Variants in CCDC69 observed in about 807,000 individuals in gnomAD.
CCDC69 encodes the protein coiled-coil domain-containing protein 69.
CCDC69 carries 38 observed loss-of-function variants against 40.3 expected under a neutral mutation model. That is an observed-to-expected ratio of 0.94 (90% CI 0.73 to 1.24). The LOEUF (loss-of-function observed/expected upper bound fraction) is 1.24, where lower values mean the gene tolerates loss of function less well. CCDC69 is among the 50% of genes most tolerant of loss of function. CCDC69 has a pLI of 0.00. For missense variants in CCDC69, 389 were observed against 357.9 expected, an observed-to-expected ratio of 1.09 and a Z score of -0.70; for synonymous variants, 141 against 138.9, an observed-to-expected ratio of 1.02 and a Z score of -0.11.
At chr5:151,200,419 A>G (rs1347703367) in intron 3 of CCDC69, among the ~76,000 whole-genome samples, 1 of 152,206 alleles carries the variant, frequency 6.6e-6, no homozygotes, top group African/African-American at 2.4e-5. Flanking sequence ...GATTATAGGC[A>G]TGCCTGGCCC....
chr5:151,220,381 T>G (rs1753116379), intron 1 of CCDC69, among the ~76,000 whole-genome samples: 1 of 152,206 alleles, frequency 6.6e-6, no homozygotes, highest in Admixed American at 6.5e-5. Context: ...AAGCCACTCT[T>G]AAGGTCACTT....
intron 4 of CCDC69, chr5:151,198,770 C>A: frequency 2.3e-6 from 1 of 436,280 alleles, no homozygotes; most frequent in Non-Finnish European, 4.1e-6. Context: ...GAAAAAAATA[C>A]CTCTCAAATA....
At chr5:151,219,634 A>G (rs1753107592) in intron 1 of CCDC69, among the ~76,000 whole-genome samples, 1 of 152,222 alleles carries the variant, frequency 6.6e-6, no homozygotes, top group Non-Finnish European at 1.5e-5. Context: ...AGCTTTATAC[A>G]GATAGTCATA....
chr5:151,183,669 C>A, intron 8 of CCDC69, 55 bp from the exon 9 acceptor site: 2 of 1,491,332 alleles, frequency 1.3e-6, no homozygotes, highest in Non-Finnish European at 1.8e-6. Flanking sequence ...GCCACAGAGA[C>A]CAACCCATTC....
At chr5:151,223,094 C>A (rs1698160415) in intron 1 of CCDC69, among the ~76,000 whole-genome samples, 1 of 152,184 alleles carries the variant, frequency 6.6e-6, no homozygotes, top group South Asian at 2.1e-4. Flanking sequence ...GGTCCTTCTT[C>A]CCCTCTGCCT....
chr5:151,191,901 T>G (rs1457566768), intron 4 of CCDC69, among the ~76,000 whole-genome samples: 1 of 151,452 alleles, frequency 6.6e-6, no homozygotes, highest in Non-Finnish European at 1.5e-5. Flanking sequence ...CTGGGTAACA[T>G]AGAGAGACCT....
chr5:151,199,789 G>A (rs248452), intron 3 of CCDC69, among the ~76,000 whole-genome samples: 55,194 of 151,964 alleles, frequency 0.36, 10,467 homozygotes, highest in Non-Finnish European at 0.4. Flanking sequence ...CACAGGTAAT[G>A]GTCAGGGCCA....
Position 151,187,433 on chromosome 5 carries a change from T to C in CCDC69, c.346A>G (p.Lys116Glu), listed in dbSNP as rs1314866142. 3 of 1,614,014 alleles carry C rather than the reference T, an allele frequency of 1.9e-6. No individual in the cohort carries two copies. In the South Asian group the frequency reaches 3.3e-5, roughly 18 times the overall value. Residue 116 changes from lysine (K) to glutamate (E), a missense_variant, in exon 5 of 9, where the codon AAA (lysine) becomes GAA (glutamate). By Grantham distance (56) the Lys-to-Glu change is moderately conservative. Transcript: ENST00000355417. ...CGGAAAGAGTGGGTAAGCGCTTCTT[T>C]CTCCTGTTCATATGAGGCCCGGAGG... ...QVLRASYEQE[K>E]EALTHSFREA...
intron 7 of CCDC69, chr5:151,184,975 A>AC (rs1752467611): frequency 6.4e-6 from 1 of 156,790 alleles, no homozygotes. Context: ...TGCCTGTAAG[A>AC]CTTTTTTTTT....
At chr5:151,220,031 TC>T in intron 1 of CCDC69, among the ~76,000 whole-genome samples, 1 of 152,196 alleles carries the variant, frequency 6.6e-6, no homozygotes, top group East Asian at 1.9e-4. Flanking sequence ...AAAACTGCTT[TC>T]CATGCCCCTT....
At chr5:151,200,005 C>G (rs746566207) in intron 3 of CCDC69, among the ~76,000 whole-genome samples, 1 of 152,200 alleles carries the variant, frequency 6.6e-6, no homozygotes, top group Non-Finnish European at 1.5e-5. Flanking sequence ...GTACCCCTGG[C>G]AGTGCTGAGG....
At chr5:151,208,811 AAAC>A (rs1435122465) in intron 1 of CCDC69, among the ~76,000 whole-genome samples, 1 of 152,214 alleles carries the variant, frequency 6.6e-6, no homozygotes, top group Non-Finnish European at 1.5e-5. Context: ...GCTCTGTTAC[AAAC>A]TTGGGCAAAT....
chr5:151,212,963 G>T (rs762626741), intron 1 of CCDC69: 1 of 447,606 alleles, frequency 2.2e-6, no homozygotes, highest in East Asian at 7.0e-5. Flanking sequence ...TGCAAGAAGA[G>T]GTTGGAGAGT....
chr5:151,183,588 G>C lies in CCDC69; in HGVS notation c.740C>G (p.Thr247Arg). The change falls in exon 9 of 9, where the codon ACG becomes AGG. Residue 247 changes from threonine to arginine, a missense_variant. Physicochemically the swap from Thr to Arg is moderately conservative, Grantham distance 71. Transcript: ENST00000355417. ...SRQLSEDLLL[T>R]REALEKEVQL... is the part of the protein sequence containing the mutation. ...CACCTCCTTCTCCAGGGCCTCACGC[G>C]TGAGAAGCAGGTCTTCTGACAGCTG... is the stretch of plus-strand genomic sequence containing the variant. 1.2e-6 allele frequency: 2 copies of C among 1,611,922 alleles called. No homozygotes were observed. Among genetic ancestry groups the C allele is most frequent in the Non-Finnish European group, 1.7e-6 (2 of 1,179,212 alleles).
intron 4 of CCDC69, 26 bp downstream of exon 4, chr5:151,198,971 G>C: frequency 6.3e-7 from 1 of 1,582,866 alleles, no homozygotes; most frequent in Non-Finnish European, 8.7e-7. Context: ...CCACCACCTT[G>C]GCCAGTGGAA....
intron 4 of CCDC69, among the ~76,000 whole-genome samples, chr5:151,194,482 A>G (rs1752666132): frequency 6.6e-6 from 1 of 152,258 alleles, no homozygotes. Flanking sequence ...GATGGAGAAC[A>G]GATCAGTAAT....
chr5:151,218,485 T>C (rs1395306687), intron 1 of CCDC69, among the ~76,000 whole-genome samples: 1 of 152,136 alleles, frequency 6.6e-6, no homozygotes, highest in African/African-American at 2.4e-5. Flanking sequence ...CTTCCTTTCG[T>C]TGGGAGGGTA....
At chr5:151,199,757 C>A (rs1190262123) in intron 3 of CCDC69, among the ~76,000 whole-genome samples, 1 of 152,156 alleles carries the variant, frequency 6.6e-6, no homozygotes, top group Admixed American at 6.5e-5. Flanking sequence ...GGGGCCCTTA[C>A]AAGTCTCAAG....
At chr5:151,203,476 C>T (rs1165370816) in intron 2 of CCDC69, among the ~76,000 whole-genome samples, 1 of 150,010 alleles carries the variant, frequency 6.7e-6, no homozygotes, top group Non-Finnish European at 1.5e-5. Flanking sequence ...TGCCACTACA[C>T]TCCAGCCTGG....
Sources: allele counts gnomAD v4.1 joint callset (sites outside exome capture counted in the v4.1 genomes callset), GRCh38; gene constraint gnomAD v4.1.1; transcripts MANE v1.5; gene names NCBI Gene and HGNC (gene_info 2026-07-23, HGNC 2026-07-21).